Variants in ULK4 observed in about 807,000 individuals in gnomAD.
ULK4 encodes unc-51 like kinase 4, also known as inactive serine/threonine-protein kinase ULK4.
A neutral mutation model predicts 160.6 loss-of-function variants in ULK4; 133 were observed. The observed-to-expected ratio is 0.83, with a 90% CI of 0.72 to 0.96. ULK4 has a LOEUF of 0.96. Ranked by LOEUF, ULK4 falls within the 40% of genes least tolerant of loss-of-function variation. The pLI, the probability that ULK4 is intolerant of heterozygous loss-of-function variation, is 0.00. For synonymous variants in ULK4, 534 were observed against 539.8 expected (o/e 0.99, Z 0.15); for missense variants, 1,580 against 1,499.5 (o/e 1.05, Z -0.89).
chr3:41,394,800 T>C (rs1455363561), intron 35 of ULK4, among the ~76,000 whole-genome samples: 4 of 152,082 alleles, frequency 2.6e-5, no homozygotes. Context: ...GTATGTTTTA[T>C]ATGACTTGGC....
rs559830042 is a variant in ULK4, at chr3:41,717,866, A to T, written c.2322-5T>A. On this transcript the variant is annotated splice_polypyrimidine_tract_variant and splice_region_variant and intron_variant, in intron 22 of 36. Transcript: ENST00000301831. Reference sequence around the variant, plus strand: ...CTCTCGATGTACATCACCAGTCTACATACAGGAAAGTGCAAAGATTACCTC... The same window carrying T: ...CTCTCGATGTACATCACCAGTCTACTTACAGGAAAGTGCAAAGATTACCTC... 7 of 1,613,608 alleles carry T rather than the reference A, an allele frequency of 4.3e-6. No individual in the cohort carries two copies. In the African/African-American group the frequency reaches 9.3e-5, roughly 22 times the overall value.
chr3:41,537,277 T>C (rs1306008302), intron 32 of ULK4, among the ~76,000 whole-genome samples: 2 of 152,030 alleles, frequency 1.3e-5, no homozygotes, highest in African/African-American at 4.8e-5. Flanking sequence ...ACTCTGGACA[T>C]AGTTTTCTCC....
chr3:41,583,642 T>C (rs2030554910), intron 31 of ULK4, among the ~76,000 whole-genome samples: 1 of 152,200 alleles, frequency 6.6e-6, no homozygotes, highest in Admixed American at 6.5e-5. Flanking sequence ...ATCTGTCCTA[T>C]GCTCCCAGTC....
intron 30 of ULK4, among the ~76,000 whole-genome samples, chr3:41,622,001 A>G (rs1438585244): frequency 6.6e-6 from 1 of 152,220 alleles, no homozygotes; most frequent in East Asian, 1.9e-4. Flanking sequence ...GCCAACAAAC[A>G]TATGAAAAAG....
At chr3:41,504,651 G>A (rs1210533994) in intron 32 of ULK4, among the ~76,000 whole-genome samples, 1 of 151,910 alleles carries the variant, frequency 6.6e-6, no homozygotes. Context: ...ATAGCTTTCA[G>A]ACAGAAAAAA....
chr3:41,264,090 A>G (rs2078988956), intron 35 of ULK4, among the ~76,000 whole-genome samples: 1 of 152,250 alleles, frequency 6.6e-6, no homozygotes. Context: ...CAAGGGTAGA[A>G]TGATGAGAAA....
rs116830023 is a variant in ULK4 at position 41,848,437 on chromosome 3, C to T, written c.1657-12466G>A. On this transcript the variant is annotated intron_variant, in intron 17 of 36. Transcript: ENST00000301831. ...CCTCTTCTTAACACCACTCAACTTC[C>T]TTTTGAGGAAATACCTTTCCTGCAC... Among the ~76,000 whole-genome samples the T allele has an allele frequency of 5.6e-3, 850 of 152,282 alleles. 7 individuals carry two copies. The highest frequency in any genetic ancestry group is 0.019 in the African/African-American group (797 of 41,556).
At chr3:41,456,548 A>T (rs1244748101) in intron 33 of ULK4, among the ~76,000 whole-genome samples, 1 of 151,954 alleles carries the variant, frequency 6.6e-6, no homozygotes, top group Non-Finnish European at 1.5e-5. Flanking sequence ...AAAATAAATG[A>T]GTGAGTGGTT....
rs183645929 is a variant in ULK4 at position 41,625,182 on chromosome 3, A to T, written c.3072-9465T>A. ...TAGCATGTTTTTAATTAAAAGAATA[A>T]AACAGAATATCCAAGGGTATCGCAC... On this transcript the variant is annotated intron_variant, in intron 30 of 36. Coordinates refer to ENST00000301831, the MANE Select transcript of ULK4 (RefSeq NM_017886.4). 7.2e-5 allele frequency among the ~76,000 whole-genome samples: 11 copies of T among 152,330 alleles called. No individual in the cohort carries two copies. In the East Asian group the frequency reaches 2.1e-3, roughly 29 times the overall value.
chr3:41,265,354 A>G (rs1426951644), intron 35 of ULK4, among the ~76,000 whole-genome samples: 1 of 152,204 alleles, frequency 6.6e-6, no homozygotes, highest in African/African-American at 2.4e-5. Context: ...GGCGGAGTGC[A>G]GCTGGGCACC....
At chr3:41,932,784 C>T (rs1414853158) in intron 4 of ULK4, among the ~76,000 whole-genome samples, 1 of 152,160 alleles carries the variant, frequency 6.6e-6, no homozygotes, top group African/African-American at 2.4e-5. Context: ...TGCCTCACAC[C>T]TGTAATCCCA....
At chr3:41,672,961 C>T (rs140392519) in intron 29 of ULK4, among the ~76,000 whole-genome samples, 393 of 152,168 alleles carry the variant, frequency 2.6e-3, no homozygotes, top group African/African-American at 9.1e-3. Context: ...CCTCAGCCTC[C>T]CAAGTAGCTA....
chr3:41,460,498 T>G (rs2083658216), intron 33 of ULK4, among the ~76,000 whole-genome samples: 1 of 152,170 alleles, frequency 6.6e-6, no homozygotes, highest in Non-Finnish European at 1.5e-5. Flanking sequence ...AACTGTAAGC[T>G]TCCTGAGAGC....
intron 22 of ULK4, among the ~76,000 whole-genome samples, chr3:41,744,150 T>G (rs1051516094): frequency 1.3e-5 from 2 of 151,430 alleles, no homozygotes; most frequent in Admixed American, 1.3e-4. Flanking sequence ...CAAAGAAAGG[T>G]AAGTAAAGAG....
At position 41,609,019 on chromosome 3, in the gene ULK4, A is replaced by G. The variant is rs60848862; in HGVS notation, c.3120+6650T>C. Among the ~76,000 whole-genome samples, 543 of 152,340 alleles carry G rather than the reference A, an allele frequency of 3.6e-3. 4 individuals are homozygous for G. The East Asian group carries it at 0.041, about 11-fold the overall frequency. On this transcript the variant is annotated intron_variant, in intron 31 of 36. Coordinates refer to ENST00000301831, the MANE Select transcript of ULK4 (RefSeq NM_017886.4). ...TTTCCTCAAAGTGAGCAGAACATAG[A>G]GCAGAACTAGTAACAAGAATGATGA... is the stretch of plus-strand genomic sequence containing the variant.
chr3:41,381,580 T>A (rs1054322894), intron 35 of ULK4, among the ~76,000 whole-genome samples: 1 of 152,166 alleles, frequency 6.6e-6, no homozygotes, highest in Non-Finnish European at 1.5e-5. Flanking sequence ...TCTTTCATAG[T>A]CTCCAACTAA....
At chr3:41,419,339 T>C (rs1426167111) in intron 34 of ULK4, among the ~76,000 whole-genome samples, 1 of 152,072 alleles carries the variant, frequency 6.6e-6, no homozygotes, top group African/African-American at 2.4e-5. Flanking sequence ...TAGGATAACA[T>C]GGAGCCTGCA....
chr3:41,346,703 A>T (rs1488079879), intron 35 of ULK4, among the ~76,000 whole-genome samples: 1 of 152,248 alleles, frequency 6.6e-6, no homozygotes, highest in African/African-American at 2.4e-5. Flanking sequence ...TGCACAATTA[A>T]TAAGACATAC....
chr3:41,320,859 G>A (rs1225482694), intron 35 of ULK4, among the ~76,000 whole-genome samples: 2 of 152,222 alleles, frequency 1.3e-5, no homozygotes, highest in East Asian at 1.9e-4. Context: ...AGAGGTTGCA[G>A]TGAGCCAAGA....
Sources: gnomAD v4.1 joint callset for allele counts (sites outside exome capture counted in the v4.1 genomes callset) on GRCh38, gnomAD v4.1.1 for gene constraint, MANE v1.5 for transcripts, NCBI Gene and HGNC (gene_info 2026-07-23, HGNC 2026-07-21) for gene names.